CCNB3: variants seen among roughly 807,000 people sequenced by gnomAD.
CCNB3 encodes the protein cyclin B3.
CCNB3 carries 12 observed loss-of-function variants against 68.0 expected under a neutral mutation model. The observed-to-expected ratio is 0.18, with a 90% CI of 0.11 to 0.29. The LOEUF is 0.29. Ranked by LOEUF, CCNB3 falls within the 10% of genes least tolerant of loss-of-function variation. The probability of loss-of-function intolerance (pLI) is 1.00; values close to 1 mark genes in which losing one functional copy is unlikely to be tolerated. For missense variants in CCNB3, 904 were observed against 993.1 expected, an observed-to-expected ratio of 0.91 and a Z score of 1.21; for synonymous variants, 354 against 388.9, an observed-to-expected ratio of 0.91 and a Z score of 1.06.
At chrX:50,331,123 C>A (rs367624899) in intron 8 of CCNB3, among the ~76,000 whole-genome samples, 5 of 111,882 alleles carry the variant, frequency 4.5e-5, no homozygotes, top group African/African-American at 1.6e-4. Context: ...TATAGCTATG[C>A]TTCTCTTTTT....
At chrX:50,298,511 C>A (rs1409861629) in intron 5 of CCNB3, among the ~76,000 whole-genome samples, 4 of 111,716 alleles carry the variant, frequency 3.6e-5, no homozygotes, top group Admixed American at 9.5e-5. Flanking sequence ...AAGCTTTTTG[C>A]TGTGCTGCTG....
At chrX:50,295,321 A>G (rs1333172786) in intron 5 of CCNB3, among the ~76,000 whole-genome samples, 2 of 111,316 alleles carry the variant, frequency 1.8e-5, no homozygotes, top group Non-Finnish European at 3.8e-5. Context: ...TTAACTTTCC[A>G]GGGATTCTCA....
chrX:50,221,258 C>T (rs959663434), intron 1 of CCNB3, among the ~76,000 whole-genome samples: 1 of 111,241 alleles, frequency 9.0e-6, no homozygotes, highest in African/African-American at 3.3e-5. Flanking sequence ...AAGGGTTTTT[C>T]ATGTGTCTGT....
At chrX:50,341,936 C>T in intron 8 of CCNB3, 1 of 289,557 alleles carries the variant, frequency 3.5e-6, no homozygotes, top group Non-Finnish European at 6.1e-6. Context: ...CCACTCAAGG[C>T]TCTCATAGAG....
At chrX:50,304,791 C>T (rs1936725951) in intron 5 of CCNB3, among the ~76,000 whole-genome samples, 1 of 111,674 alleles carries the variant, frequency 9.0e-6, no homozygotes, top group African/African-American at 3.3e-5. Context: ...CTACAATGAA[C>T]TCAAACAAAT....
chrX:50,298,879 A>C (rs1392183841), intron 5 of CCNB3, among the ~76,000 whole-genome samples: 1 of 111,716 alleles, frequency 9.0e-6, no homozygotes, highest in Non-Finnish European at 1.9e-5. Flanking sequence ...ATGTGTCGAA[A>C]AATTTATCCA....
chrX:50,279,373 T>G (rs1476368618), intron 1 of CCNB3, among the ~76,000 whole-genome samples: 32 of 77,874 alleles, frequency 4.1e-4, no homozygotes, highest in Admixed American at 1.5e-3. Flanking sequence ...TATGAATATA[T>G]AAATATATGA....
Position 50,318,758 on chromosome X carries a change from C to T in CCNB3, c.3516+4810C>T, listed in dbSNP as rs782403005. On this transcript the variant is annotated intron_variant, in intron 8 of 12. Transcript: ENST00000376042. ...TCTGGAAACTTGGCCGGTAAGCAGT[C>T]CCCACACTGATATAAAACTTCCCCG... is the stretch of plus-strand genomic sequence containing the variant. Among the ~76,000 whole-genome samples, 5 of 111,524 alleles carry T rather than the reference C, an allele frequency of 4.5e-5. No homozygotes were observed. The East Asian group carries it at 1.4e-3, about 32-fold the overall frequency.
intron 8 of CCNB3, among the ~76,000 whole-genome samples, chrX:50,318,228 A>G (rs1398692393): frequency 9.2e-6 from 1 of 109,092 alleles, no homozygotes; most frequent in African/African-American, 3.4e-5. Context: ...AAAAAAAAAA[A>G]ACTGGCCAGG....
At chrX:50,216,522 C>T (rs1935575969) in intron 1 of CCNB3, among the ~76,000 whole-genome samples, 1 of 111,112 alleles carries the variant, frequency 9.0e-6, no homozygotes. Flanking sequence ...CTCGCCTCGG[C>T]CTCCTAAAAT....
At chrX:50,203,697 T>C (rs1935301953), upstream of CCNB3, among the ~76,000 whole-genome samples, 1 of 111,048 alleles carries the variant, frequency 9.0e-6, no homozygotes, top group African/African-American at 3.3e-5. Flanking sequence ...ATTGGAGGAG[T>C]GGAGGGGGAA....
chrX:50,344,845 C>A (rs1923319606), intron 9 of CCNB3, among the ~76,000 whole-genome samples: 1 of 111,694 alleles, frequency 9.0e-6, no homozygotes, highest in Admixed American at 9.5e-5. Flanking sequence ...CTCTGATTCC[C>A]CTTCCTTAGG....
chrX:50,294,536 G>T (rs782409972), intron 4 of CCNB3, among the ~76,000 whole-genome samples: 1 of 111,285 alleles, frequency 9.0e-6, no homozygotes, highest in Non-Finnish European at 1.9e-5. Flanking sequence ...ATGTTAACAC[G>T]GCATATTTTC....
At chrX:50,338,410 T>C (rs1922962784) in intron 8 of CCNB3, among the ~76,000 whole-genome samples, 1 of 111,900 alleles carries the variant, frequency 8.9e-6, no homozygotes, top group Non-Finnish European at 1.9e-5. Context: ...CTTACAATTC[T>C]AAGGGGGTCC....
At chrX:50,213,446 G>A (rs1250819989) in intron 1 of CCNB3, among the ~76,000 whole-genome samples, 40 of 111,288 alleles carry the variant, frequency 3.6e-4, no homozygotes, top group Non-Finnish European at 7.4e-4. Context: ...CTATATTCAT[G>A]AGGGATATTG....
Position 50,309,100 on chromosome X carries a change from G to A in CCNB3, c.931G>A (p.Gly311Arg). 4 of 1,209,856 alleles carry A rather than the reference G, an allele frequency of 3.3e-6. No individual in the cohort carries two copies. The highest frequency in any genetic ancestry group is 3.4e-6 in the Non-Finnish European group (3 of 893,973). ...ACCAGTATTGCAGACAACCATCTGTGGAGCAATGTCCTCCATTAAGAAGCC... is the reference window on the plus strand; with the variant it reads ...ACCAGTATTGCAGACAACCATCTGTAGAGCAATGTCCTCCATTAAGAAGCC... ...KPPVLQTTIC[G>R]AMSSIKKPTT... Residue 311 changes from glycine (G) to arginine (R), a missense_variant, in exon 6 of 13, where the codon GGA (glycine) becomes AGA (arginine). By Grantham distance (125) the Gly-to-Arg change is moderately radical. Around this residue, in one of 2 missense-constraint regions of CCNB3, gnomAD observed 619 missense variants for 609.8 expected, o/e 1.02. Coordinates refer to ENST00000376042, the MANE Select transcript of CCNB3 (RefSeq NM_033031.3).
intron 5 of CCNB3, among the ~76,000 whole-genome samples, chrX:50,297,598 G>C (rs1481245718): frequency 8.0e-5 from 9 of 112,183 alleles, no homozygotes; most frequent in Non-Finnish European, 1.5e-4. Context: ...GCTTAGGATT[G>C]ACTTGTCAAT....
At chrX:50,335,007 C>T (rs1434362426) in intron 8 of CCNB3, among the ~76,000 whole-genome samples, 4 of 112,001 alleles carry the variant, frequency 3.6e-5, no homozygotes, top group Admixed American at 1.9e-4. Context: ...TCTTCTTGGA[C>T]ACCTTATACC....
intron 11 of CCNB3, among the ~76,000 whole-genome samples, chrX:50,348,147 C>A (rs1385186744): frequency 1.8e-5 from 2 of 110,824 alleles, no homozygotes; most frequent in Admixed American, 9.7e-5. Flanking sequence ...GCCCCTGAGG[C>A]AGCTTGTTGG....
Sources: allele counts gnomAD v4.1 joint callset (sites outside exome capture counted in the v4.1 genomes callset), GRCh38; gene constraint gnomAD v4.1.1; regional missense constraint gnomAD v4.1.1; transcripts MANE v1.5; gene names NCBI Gene and HGNC (gene_info 2026-07-23, HGNC 2026-07-21).